The following SLC39A11 variants were observed in gnomAD, a reference collection of about 807,000 sequenced individuals.
SLC39A11 encodes the protein zinc transporter ZIP11.
In SLC39A11, 33 loss-of-function variants were observed where a neutral mutation model predicts 36.1. The ratio of observed to expected loss-of-function variants is 0.91; its 90% CI spans 0.69 to 1.22. The LOEUF (loss-of-function observed/expected upper bound fraction) is 1.22, where lower values mean the gene tolerates loss of function less well. Among genes scored for constraint, SLC39A11 ranks in the 50% most tolerant of loss-of-function variants. The probability of loss-of-function intolerance (pLI) is 0.00; values close to 1 mark genes in which losing one functional copy is unlikely to be tolerated. For missense variants in SLC39A11, 432 were observed against 430.3 expected, an observed-to-expected ratio of 1.00 and a Z score of -0.03; for synonymous variants, 166 against 170.3, an observed-to-expected ratio of 0.97 and a Z score of 0.20.
chr17:73,051,062 C>A (rs1024054124), intron 3 of SLC39A11, among the ~76,000 whole-genome samples: 1 of 152,196 alleles, frequency 6.6e-6, no homozygotes, highest in Non-Finnish European at 1.5e-5. Context: ...CATTCTCTCA[C>A]GGTTCTAGAA....
intron 4 of SLC39A11, among the ~76,000 whole-genome samples, chr17:72,965,082 T>C (rs2086871341): frequency 1.4e-5 from 2 of 144,498 alleles, no homozygotes; most frequent in African/African-American, 2.6e-5. Flanking sequence ...AAGGGGAACA[T>C]CACCGGGGCC....
chr17:72,704,579 CAT>C (rs970988143), intron 7 of SLC39A11, among the ~76,000 whole-genome samples: 1 of 152,192 alleles, frequency 6.6e-6, no homozygotes, highest in Non-Finnish European at 1.5e-5. Flanking sequence ...AGACTCTATG[CAT>C]AAAGTGATGC....
In SLC39A11 at chr17:72,960,419, A is replaced by T. The variant is rs555653212; in HGVS notation, c.307-12544T>A. Among the ~76,000 whole-genome samples the T allele has an allele frequency of 3.9e-5, 6 of 152,276 alleles. No individual in the cohort carries two copies. In the South Asian group the frequency reaches 1.2e-3, roughly 32 times the overall value. On this transcript the variant is annotated intron_variant, in intron 4 of 9. Coordinates refer to ENST00000255559, the MANE Select transcript of SLC39A11 (RefSeq NM_139177.4). ...GGTAGGTAGGTAGGTAGATAGATTG[A>T]CAGATAGATAGATAAATAGCCTCTT...
intron 5 of SLC39A11, among the ~76,000 whole-genome samples, chr17:72,868,261 G>T (rs1404907505): frequency 6.6e-6 from 1 of 152,134 alleles, no homozygotes; most frequent in Non-Finnish European, 1.5e-5. Context: ...GAAAAATGAG[G>T]AGAGAAAGAA....
intron 6 of SLC39A11, among the ~76,000 whole-genome samples, chr17:72,832,503 T>C (rs1044202720): frequency 2.0e-5 from 3 of 152,230 alleles, no homozygotes; most frequent in African/African-American, 7.2e-5. Context: ...AGTCAAGTCA[T>C]GACACATCTA....
chr17:72,928,788 G>A (rs1309282074), intron 5 of SLC39A11, among the ~76,000 whole-genome samples: 1 of 152,148 alleles, frequency 6.6e-6, no homozygotes, highest in Non-Finnish European at 1.5e-5. Flanking sequence ...CGTGCCTCTG[G>A]GAACCGAGCA....
At chr17:72,986,136 T>C (rs2088730928) in intron 4 of SLC39A11, among the ~76,000 whole-genome samples, 2 of 152,084 alleles carry the variant, frequency 1.3e-5, no homozygotes, top group Non-Finnish European at 2.9e-5. Flanking sequence ...ACTGAGACAA[T>C]AAATGTCTGT....
chr17:72,672,667 A>G (rs1032557115), intron 7 of SLC39A11, among the ~76,000 whole-genome samples: 3 of 152,082 alleles, frequency 2.0e-5, no homozygotes, highest in Admixed American at 6.5e-5. Context: ...TGACACTATC[A>G]TGGCTCACTG....
chr17:72,899,573 C>T (rs917747388), intron 5 of SLC39A11, among the ~76,000 whole-genome samples: 1 of 152,184 alleles, frequency 6.6e-6, no homozygotes, highest in Non-Finnish European at 1.5e-5. Flanking sequence ...AAGTGCTATT[C>T]TCATCATCAG....
intron 4 of SLC39A11, among the ~76,000 whole-genome samples, chr17:73,012,250 T>C (rs1259134974): frequency 6.6e-6 from 1 of 151,974 alleles, no homozygotes; most frequent in Non-Finnish European, 1.5e-5. Flanking sequence ...CACTCCATCC[T>C]GTGACAGAGC....
intron 5 of SLC39A11, among the ~76,000 whole-genome samples, chr17:72,945,043 A>AGATG (rs139488879): frequency 0.023 from 3,535 of 151,046 alleles, 140 homozygotes; most frequent in African/African-American, 0.08. Context: ...AGCTAATTGG[A>AGATG]GATGGATGGA....
chr17:72,877,769 G>A (rs1204918686), intron 5 of SLC39A11, among the ~76,000 whole-genome samples: 3 of 152,188 alleles, frequency 2.0e-5, no homozygotes, highest in East Asian at 3.9e-4. Flanking sequence ...TCCAGAGCAC[G>A]TGATGGCACT....
At position 72,951,261 on chromosome 17, in the gene SLC39A11, CAAAAAAA is replaced by C. The variant is rs61453793; in HGVS notation, c.307-3393_307-3387del. 6.6e-4 allele frequency among the ~76,000 whole-genome samples: 57 copies of C among 86,984 alleles called. 1 individual carries two copies. Among genetic ancestry groups the C allele is most frequent in the African/African-American group, 2.3e-3 (51 of 22,450 alleles). 57.1% of individuals were successfully genotyped at this position (86,984 alleles called of 152,430 possible). A position where few individuals can be genotyped will look rare whatever the true frequency, so the allele number is the denominator to read the frequency against. On this transcript the variant is annotated intron_variant, in intron 4 of 9. Transcript: ENST00000255559. ...TGGGCAACGGAGAGTGACCCTGTTG[CAAAAAAA>C]AAAAAAAAAAGCCAGCAAAATGTCA...
chr17:72,738,554 G>T (rs12019075), intron 6 of SLC39A11, among the ~76,000 whole-genome samples: 1,779 of 152,214 alleles, frequency 0.012, 38 homozygotes, highest in African/African-American at 0.041. Flanking sequence ...ATGGCGCAGC[G>T]AGGGTCATGG....
rs563819411 is a variant in SLC39A11, at chr17:72,757,081, G to A, written c.602-20362C>T. Among the ~76,000 whole-genome samples the A allele has an allele frequency of 4.0e-5, 6 of 151,762 alleles. No homozygotes were observed. The East Asian group carries it at 7.7e-4, about 20-fold the overall frequency. On this transcript the variant is annotated intron_variant, in intron 6 of 9. Coordinates refer to ENST00000255559, the MANE Select transcript of SLC39A11 (RefSeq NM_139177.4). ...CTAAGGAGGCTGAGGCAGGAGAATC[G>A]CTTGAAACCAGAAGGCGGAGGTTGC...
chr17:72,895,965 C>T (rs938670017), intron 5 of SLC39A11, among the ~76,000 whole-genome samples: 1 of 151,916 alleles, frequency 6.6e-6, no homozygotes, highest in African/African-American at 2.4e-5. Flanking sequence ...AATCCCAAGG[C>T]CCTATTAAAG....
intron 6 of SLC39A11, among the ~76,000 whole-genome samples, chr17:72,825,594 C>G (rs1261835673): frequency 2.6e-5 from 4 of 152,150 alleles, no homozygotes; most frequent in African/African-American, 9.7e-5. Context: ...CACCATGTGC[C>G]TGGAAAAGCC....
chr17:72,741,165 G>C (rs1320034091), intron 6 of SLC39A11, among the ~76,000 whole-genome samples: 1 of 152,150 alleles, frequency 6.6e-6, no homozygotes. Flanking sequence ...TAGTACAGTG[G>C]GCTGTAGTTA....
chr17:73,021,617 G>A lies in SLC39A11; in HGVS notation c.306+9939C>T, dbSNP rs534638281. 3.6e-4 allele frequency among the ~76,000 whole-genome samples: 55 copies of A among 152,132 alleles called. No individual in the cohort carries two copies. In the Middle Eastern group the frequency reaches 0.01, roughly 28 times the overall value. On this transcript the variant is annotated intron_variant, in intron 4 of 9. Transcript: ENST00000255559. ...GCTGGGATTACCAACGTGAGCCACC[G>A]CTCCCAGCCTCTTTCCCCTTCCATA...
Sources: allele counts gnomAD v4.1 joint callset (sites outside exome capture counted in the v4.1 genomes callset), GRCh38; gene constraint gnomAD v4.1.1; transcripts MANE v1.5; gene names NCBI Gene and HGNC (gene_info 2026-07-23, HGNC 2026-07-21).